The following DNAH7 variants were observed in gnomAD, a reference collection of about 807,000 sequenced individuals.
DNAH7 encodes axonemal beta dynein heavy chain 7.
Under a neutral mutation model 444.6 loss-of-function variants are expected in DNAH7, and 397 were observed. The ratio of observed to expected loss-of-function variants is 0.89; its 90% CI spans 0.82 to 0.97. The LOEUF is 0.97. Ranked by LOEUF, DNAH7 falls within the 50% of genes least tolerant of loss-of-function variation. The probability of loss-of-function intolerance (pLI) is 0.00; values close to 1 mark genes in which losing one functional copy is unlikely to be tolerated. For synonymous variants in DNAH7, 1,636 were observed against 1,624.4 expected (o/e 1.01, Z -0.17); for missense variants, 4,902 against 4,800.8 (o/e 1.02, Z -0.62).
intron 17 of DNAH7, among the ~76,000 whole-genome samples, chr2:195,963,192 G>T (rs1166007048): frequency 6.6e-6 from 1 of 152,184 alleles, no homozygotes; most frequent in Non-Finnish European, 1.5e-5. Flanking sequence ...GCTGCAAACT[G>T]TTCTCCATAG....
chr2:195,898,071 AGCTT>A (rs1187331624), intron 28 of DNAH7, among the ~76,000 whole-genome samples: 1 of 152,198 alleles, frequency 6.6e-6, no homozygotes, highest in African/African-American at 2.4e-5. Context: ...TATTGGGTAG[AGCTT>A]GCTTGTTCTC....
Position 195,923,746 on chromosome 2 carries a change from C to T in DNAH7, c.3674G>A (p.Arg1225His), listed in dbSNP as rs757048991. The change falls in exon 23 of 65, where the codon CGT becomes CAT. Residue 1225 changes from arginine (R) to histidine (H), a missense_variant. By Grantham distance (29) the Arg-to-His change is conservative. Coordinates refer to ENST00000312428, the MANE Select transcript of DNAH7 (RefSeq NM_018897.3). Reference sequence around the variant, plus strand: ...GCGATTCTGCATGGACAATTTGCCACGCACCAAAGTGACAATATCATCAAT... The same window carrying T: ...GCGATTCTGCATGGACAATTTGCCATGCACCAAAGTGACAATATCATCAAT... ...RQIDDIVTLV[R>H]GKLSMQNRVT... The T allele has an allele frequency of 2.5e-5, 40 of 1,613,928 alleles. No individual in the cohort carries two copies. The highest frequency in any genetic ancestry group is 4.5e-5 in the East Asian group (2 of 44,890).
At chr2:196,039,486 G>A (rs1323233383) in intron 5 of DNAH7, among the ~76,000 whole-genome samples, 1 of 151,920 alleles carries the variant, frequency 6.6e-6, no homozygotes, top group Non-Finnish European at 1.5e-5. Flanking sequence ...AAATAATAAA[G>A]ACCAGAGTAG....
chr2:195,809,637 ATTGC>A, intron 52 of DNAH7, 104 bp downstream of exon 52: 1 of 1,059,864 alleles, frequency 9.4e-7, no homozygotes, highest in South Asian at 3.4e-5. Context: ...AAACAGTATT[ATTGC>A]TTAACTATTT....
At chr2:195,941,201 A>T (rs1252318104) in intron 19 of DNAH7, among the ~76,000 whole-genome samples, 1 of 152,138 alleles carries the variant, frequency 6.6e-6, no homozygotes, top group African/African-American at 2.4e-5. Flanking sequence ...CATTTAAAAA[A>T]TGAGTTCATG....
chr2:195,920,910 G>A (rs888314979), intron 24 of DNAH7, among the ~76,000 whole-genome samples: 1 of 152,072 alleles, frequency 6.6e-6, no homozygotes, highest in African/African-American at 2.4e-5. Flanking sequence ...TTATGGACAT[G>A]AATAGACAAT....
chr2:196,022,350 T>C (rs1404878756), intron 8 of DNAH7, among the ~76,000 whole-genome samples: 2 of 152,212 alleles, frequency 1.3e-5, no homozygotes, highest in Non-Finnish European at 2.9e-5. Flanking sequence ...CAGCATTCAA[T>C]GCTATTCGAT....
intron 61 of DNAH7, among the ~76,000 whole-genome samples, chr2:195,762,190 G>A (rs1436974768): frequency 6.6e-6 from 1 of 151,964 alleles, no homozygotes; most frequent in Admixed American, 6.5e-5. Flanking sequence ...AAAATAATGG[G>A]TTACAAGATA....
intron 47 of DNAH7, among the ~76,000 whole-genome samples, chr2:195,837,999 A>G (rs1183176585): frequency 2.0e-5 from 3 of 152,314 alleles, no homozygotes; most frequent in Admixed American, 2.0e-4. Context: ...GGTAGGATAA[A>G]TTCTGAAAAG....
chr2:196,027,045 T>C (rs1055271458), intron 6 of DNAH7, 105 bp from the exon 7 acceptor site: 16 of 798,476 alleles, frequency 2.0e-5, no homozygotes, highest in Non-Finnish European at 3.0e-5. Context: ...ACAAAGTATT[T>C]ATAAAGCATA....
At chr2:196,051,158 T>C in intron 3 of DNAH7, 29 bp downstream of exon 3, 2 of 1,593,654 alleles carry the variant, frequency 1.3e-6, no homozygotes, top group Non-Finnish European at 1.7e-6. Context: ...AGCACAAAAA[T>C]TCAATGAGAA....
intron 15 of DNAH7, among the ~76,000 whole-genome samples, chr2:195,977,025 A>G (rs1692259223): frequency 1.3e-5 from 2 of 152,180 alleles, no homozygotes; most frequent in Admixed American, 1.3e-4. Flanking sequence ...CTCAAGAAGG[A>G]AGGGTACAAA....
At position 195,864,305 on chromosome 2, in the gene DNAH7, T is replaced by C. The variant is rs376195852; in HGVS notation, c.7350A>G (p.Thr2450=). The C allele has an allele frequency of 8.7e-6, 14 of 1,614,202 alleles. No homozygotes were observed. The African/African-American group carries it at 1.7e-4, about 20-fold the overall frequency. ...LDRQRDKTKQ[T]DGSPIALFNM... ...TGAAAAGGGCTATGGGGCTGCCATC[T>C]GTTTGCTTGGTTTTATCCCGCTGGC... Residue 2450 remains threonine (T), a synonymous_variant, in exon 41 of 65, where the codon ACA becomes ACG. Transcript: ENST00000312428.
chr2:195,812,246 G>A (rs1433034263), intron 51 of DNAH7, among the ~76,000 whole-genome samples: 1 of 151,974 alleles, frequency 6.6e-6, no homozygotes, highest in Non-Finnish European at 1.5e-5. Context: ...CGAATTTTCA[G>A]GAGATTAATT....
chr2:195,740,880 A>G lies in DNAH7; in HGVS notation c.11765-11T>C, dbSNP rs1394546638. On this transcript the variant is annotated splice_polypyrimidine_tract_variant and intron_variant, in intron 63 of 64. Transcript: ENST00000312428. ...CGTGAATGAAAACACCTAAATATAAAAGAAACACATTAATATAACACTTGA... is the reference window on the plus strand; with the variant it reads ...CGTGAATGAAAACACCTAAATATAAGAGAAACACATTAATATAACACTTGA... The G allele has an allele frequency of 3.4e-6, 5 of 1,477,320 alleles. No individual in the cohort carries two copies. Among genetic ancestry groups the G allele is most frequent in the Middle Eastern group, 3.5e-4 (2 of 5,648 alleles). The allele number at this position is 1,477,320 out of a possible 1,614,324, so 91.5% of individuals were successfully genotyped here. A position where few individuals can be genotyped will look rare whatever the true frequency, so the allele number is the denominator to read the frequency against.
At chr2:195,898,674 C>T (rs1166364757) in intron 28 of DNAH7, among the ~76,000 whole-genome samples, 1 of 152,198 alleles carries the variant, frequency 6.6e-6, no homozygotes, top group Non-Finnish European at 1.5e-5. Flanking sequence ...GCAGGGGATG[C>T]TGCTGGCTGC....
chr2:196,003,086 T>A (rs115250298), intron 10 of DNAH7, among the ~76,000 whole-genome samples: 2,304 of 143,422 alleles, frequency 0.016, 52 homozygotes, highest in African/African-American at 0.055. Flanking sequence ...GAAAAAAAAA[T>A]CTGAAATAAA....
chr2:196,050,796 CT>C (rs1224332783), intron 3 of DNAH7, among the ~76,000 whole-genome samples: 1 of 152,170 alleles, frequency 6.6e-6, no homozygotes, highest in Non-Finnish European at 1.5e-5. Flanking sequence ...GACCCATCTC[CT>C]TGAAGATCAT....
At chr2:196,017,607 G>A (rs1258265945) in intron 9 of DNAH7, among the ~76,000 whole-genome samples, 1 of 152,048 alleles carries the variant, frequency 6.6e-6, no homozygotes, top group African/African-American at 2.4e-5. Flanking sequence ...GAAAAAAATA[G>A]AGAATCCAGA....
Sources: gnomAD v4.1 joint callset for allele counts (sites outside exome capture counted in the v4.1 genomes callset) on GRCh38, gnomAD v4.1.1 for gene constraint, MANE v1.5 for transcripts, NCBI Gene and HGNC (gene_info 2026-07-23, HGNC 2026-07-21) for gene names.